LAMTOR3: variants seen among roughly 807,000 people sequenced by gnomAD.
LAMTOR3 encodes ragulator complex protein LAMTOR3.
A neutral mutation model predicts 20.3 loss-of-function variants in LAMTOR3; 14 were observed. The ratio of observed to expected loss-of-function variants is 0.69; its 90% CI spans 0.46 to 1.08. The LOEUF (loss-of-function observed/expected upper bound fraction) is 1.08. LAMTOR3 is among the 50% of genes least tolerant of loss of function. The pLI is 0.00. For missense variants in LAMTOR3, 125 were observed against 143.7 expected (o/e 0.87, Z 0.67); for synonymous variants, 40 against 49.4 (o/e 0.81, Z 0.80).
Position 99,879,421 on chromosome 4 carries a change from T to C in LAMTOR3, c.*2573A>G, listed in dbSNP as rs1347636411. The C allele has an allele frequency of 6.6e-6, 1 of 152,186 alleles. No individual in the cohort carries two copies. Among genetic ancestry groups the C allele is most frequent in the East Asian group, 1.9e-4 (1 of 5,206 alleles). 9.4% of individuals were successfully genotyped at this position (152,186 alleles called of 1,614,324 possible). A position where few individuals can be genotyped will look rare whatever the true frequency, so the allele number is the denominator to read the frequency against. On this transcript the variant is annotated 3_prime_UTR_variant, in exon 7 of 7. Transcript: ENST00000499666. Reference sequence around the variant, plus strand: ...ACATGTAAAGGTTAAGTAGCTCCATTTGTTATCATTTCTTTTTCTAGGATT... The same window carrying C: ...ACATGTAAAGGTTAAGTAGCTCCATCTGTTATCATTTCTTTTTCTAGGATT...
Position 99,881,912 on chromosome 4 carries a change from G to A in LAMTOR3, c.*82C>T, listed in dbSNP as rs1431785959. ...CCCTTTCTTGAGCACATGGATAAAAGTATTATTGTAGTCTAAAGATTGCTG... is the reference window on the plus strand; with the variant it reads ...CCCTTTCTTGAGCACATGGATAAAAATATTATTGTAGTCTAAAGATTGCTG... On this transcript the variant is annotated 3_prime_UTR_variant, in exon 7 of 7. Coordinates refer to ENST00000499666, the MANE Select transcript of LAMTOR3 (RefSeq NM_021970.4). 1.0e-6 allele frequency: 1 copy of A among 959,468 alleles called. No individual in the cohort carries two copies. The highest frequency in any genetic ancestry group is 2.5e-5 in the East Asian group (1 of 39,788). 59.4% of individuals were successfully genotyped at this position (959,468 alleles called of 1,614,324 possible).
intron 2 of LAMTOR3, 94 bp downstream of exon 2, chr4:99,893,861 A>C: frequency 9.5e-7 from 1 of 1,047,186 alleles, no homozygotes; most frequent in Non-Finnish European, 1.3e-6. Flanking sequence ...GGATCAAAAC[A>C]AATTTCTGTT....
At chr4:99,890,562 TC>T (rs1250395621) in intron 3 of LAMTOR3, among the ~76,000 whole-genome samples, 1 of 152,166 alleles carries the variant, frequency 6.6e-6, no homozygotes, top group Non-Finnish European at 1.5e-5. Flanking sequence ...TTATTACTGT[TC>T]TGGGATGCAA....
At chr4:99,884,034 A>G (rs778186636) in intron 6 of LAMTOR3, 28 bp downstream of exon 6, 2 of 1,455,640 alleles carry the variant, frequency 1.4e-6, no homozygotes, top group African/African-American at 2.8e-5. Context: ...TTAAGGATTA[A>G]AGTGATATTT....
chr4:99,882,776 T>C (rs1464583295), intron 6 of LAMTOR3, among the ~76,000 whole-genome samples: 1 of 151,956 alleles, frequency 6.6e-6, no homozygotes, highest in Non-Finnish European at 1.5e-5. Context: ...AAGACATAAA[T>C]AAATATTTCA....
rs908590796 is a variant in LAMTOR3 at position 99,879,055 on chromosome 4, T to C, written c.*2939A>G. ...ATTTAAAAGTTTCACAGACTGCCAA[T>C]TGCTGTACATAAAGAGTATAACAAG... On this transcript the variant is annotated 3_prime_UTR_variant, in exon 7 of 7. Transcript: ENST00000499666. 2 of 152,196 alleles carry C rather than the reference T, an allele frequency of 1.3e-5. No individual in the cohort carries two copies. Among genetic ancestry groups the C allele is most frequent in the Admixed American group, 1.3e-4 (2 of 15,278 alleles). 9.4% of individuals were successfully genotyped at this position (152,196 alleles called of 1,614,324 possible).
chr4:99,882,947 A>G (rs1724855343), intron 6 of LAMTOR3, among the ~76,000 whole-genome samples: 1 of 152,012 alleles, frequency 6.6e-6, no homozygotes, highest in African/African-American at 2.4e-5. Context: ...TTTATGTTCA[A>G]ACAAATAAAG....
chr4:99,882,064 A>C lies in LAMTOR3; in HGVS notation c.305T>G (p.Leu102Arg). 1 of 1,568,638 alleles carries C rather than the reference A, an allele frequency of 6.4e-7. No homozygotes were observed. The highest frequency in any genetic ancestry group is 8.6e-7 in the Non-Finnish European group (1 of 1,159,212). ...FIASSSANTG[L>R]IVSLEKELAP... ...AAGTTCCTTTTCTAGGCTGACAATTAGTCCTAAAATAAAGAGATTAAGAAA... is the reference window on the plus strand; with the variant it reads ...AAGTTCCTTTTCTAGGCTGACAATTCGTCCTAAAATAAAGAGATTAAGAAA... Residue 102 changes from leucine to arginine, a missense_variant, in exon 7 of 7, where the codon CTA becomes CGA. Leu to Arg is a moderately radical substitution (Grantham distance 102). Coordinates refer to ENST00000499666, the MANE Select transcript of LAMTOR3 (RefSeq NM_021970.4).
rs751702838 is a variant in LAMTOR3 at position 99,893,944 on chromosome 4, G to T, written c.9+11C>A. On this transcript the variant is annotated intron_variant, in intron 2 of 6. Transcript: ENST00000499666. ...ACTCTCCCCTTCCTCTTATGTAGGG[G>T]TGTCACTCACATCCGCCATGATGAA... The T allele has an allele frequency of 5.2e-6, 8 of 1,536,114 alleles. No individual in the cohort carries two copies. The highest frequency in any genetic ancestry group is 4.2e-5 in the African/African-American group (3 of 71,644).
At position 99,884,145 on chromosome 4, in the gene LAMTOR3, C is replaced by G; in HGVS notation, c.238-20G>C. On this transcript the variant is annotated intron_variant, in intron 5 of 6. Coordinates refer to ENST00000499666, the MANE Select transcript of LAMTOR3 (RefSeq NM_021970.4). The stretch of plus-strand genomic sequence containing the variant: ...AACCACCTAAAAAGAAAATAAGAGC[C>G]AAATAATATGTTGCATTATGAAAAG... The G allele has an allele frequency of 6.3e-7, 1 of 1,580,648 alleles. No individual in the cohort carries two copies. The highest frequency in any genetic ancestry group is 8.7e-7 in the Non-Finnish European group (1 of 1,150,722).
intron 3 of LAMTOR3, among the ~76,000 whole-genome samples, chr4:99,888,276 G>A (rs1421434995): frequency 6.6e-6 from 1 of 152,130 alleles, no homozygotes; most frequent in Non-Finnish European, 1.5e-5. Flanking sequence ...ATAATACAAG[G>A]CATGTAAAGT....
In LAMTOR3 at chr4:99,887,302, T is replaced by C. The variant is rs1266298730; in HGVS notation, c.97A>G (p.Ile33Val). Residue 33 changes from isoleucine to valine, a missense_variant, in exon 4 of 7, where the codon ATT becomes GTT. Ile to Val is a conservative substitution (Grantham distance 29, BLOSUM62 3). Transcript: ENST00000499666. ...TTTAAATGTTCAGTTTTACCTTTAA[T>C]AACAGGTACTCCATCTCTATCTGAC... ...VVSDRDGVPV[I>V]KVANDNAPEH... The C allele has an allele frequency of 6.4e-7, 1 of 1,565,134 alleles. No homozygotes were observed. The highest frequency in any genetic ancestry group is 8.7e-7 in the Non-Finnish European group (1 of 1,153,122).
At chr4:99,884,571 A>G (rs1724886773) in intron 5 of LAMTOR3, among the ~76,000 whole-genome samples, 1 of 152,242 alleles carries the variant, frequency 6.6e-6, no homozygotes, top group African/African-American at 2.4e-5. Context: ...CCTTCAAAAA[A>G]AAAGAAAACT....
chr4:99,886,372 T>G (rs1428590655), intron 4 of LAMTOR3, among the ~76,000 whole-genome samples: 2 of 152,218 alleles, frequency 1.3e-5, no homozygotes, highest in South Asian at 4.1e-4. Context: ...CTGACTCATG[T>G]CCGACTTTGG....
chr4:99,886,148 TTAA>T, intron 4 of LAMTOR3, among the ~76,000 whole-genome samples: 1 of 152,360 alleles, frequency 6.6e-6, no homozygotes, highest in East Asian at 1.9e-4. Context: ...GTTTGTTATA[TTAA>T]TGAGTGCAGG....
intron 6 of LAMTOR3, among the ~76,000 whole-genome samples, 153 bp from the exon 7 acceptor site, chr4:99,882,220 C>T (rs1425348397): frequency 6.6e-6 from 1 of 152,070 alleles, no homozygotes; most frequent in Non-Finnish European, 1.5e-5. Flanking sequence ...GGTTGAATAT[C>T]CCTTATCCAA....
intron 3 of LAMTOR3, among the ~76,000 whole-genome samples, chr4:99,891,357 G>A (rs1725019776): frequency 6.6e-6 from 1 of 152,118 alleles, no homozygotes; most frequent in South Asian, 2.1e-4. Context: ...AAGAGCACAG[G>A]TCAAATTTTA....
intron 4 of LAMTOR3, 138 bp from the exon 5 acceptor site, chr4:99,885,813 T>C (rs2110180671): frequency 1.4e-6 from 1 of 698,862 alleles, no homozygotes; most frequent in Non-Finnish European, 2.3e-6. Context: ...ATATCACTAA[T>C]GGGGTCTCAT....
At chr4:99,888,916 T>C (rs1264989895) in intron 3 of LAMTOR3, among the ~76,000 whole-genome samples, 1 of 152,160 alleles carries the variant, frequency 6.6e-6, no homozygotes, top group Non-Finnish European at 1.5e-5. Flanking sequence ...GATTAATACA[T>C]AACATAGGCC....
Sources: gnomAD v4.1 joint callset for allele counts (sites outside exome capture counted in the v4.1 genomes callset) on GRCh38, gnomAD v4.1.1 for gene constraint, MANE v1.5 for transcripts, NCBI Gene and HGNC (gene_info 2026-07-23, HGNC 2026-07-21) for gene names.